VPS33B: variants seen among roughly 807,000 people sequenced by gnomAD.
The protein encoded by VPS33B is vacuolar protein sorting-associated protein 33B.
In VPS33B, 80 loss-of-function variants were observed where a neutral mutation model predicts 95.3. The observed-to-expected ratio is 0.84, with a 90% CI of 0.70 to 1.01. The LOEUF (loss-of-function observed/expected upper bound fraction) is 1.01, where lower values mean the gene tolerates loss of function less well. VPS33B is among the 50% of genes least tolerant of loss of function. The pLI, the probability that VPS33B is intolerant of heterozygous loss-of-function variation, is 0.00. For missense variants in VPS33B, 715 were observed against 773.4 expected, an observed-to-expected ratio of 0.92 and a Z score of 0.90; for synonymous variants, 280 against 280.4, an observed-to-expected ratio of 1.00 and a Z score of 0.01.
chr15:91,006,204 T>C lies in VPS33B; in HGVS notation c.853-145A>G. The C allele has an allele frequency of 1.5e-6, 2 of 1,327,896 alleles. No individual in the cohort carries two copies. Among genetic ancestry groups the C allele is most frequent in the South Asian group, 1.2e-5 (1 of 83,430 alleles). 82.3% of individuals were successfully genotyped at this position (1,327,896 alleles called of 1,614,324 possible). A position where few individuals can be genotyped will look rare whatever the true frequency, so the allele number is the denominator to read the frequency against. Reference sequence around the variant, plus strand: ...GATCTGTAAGTCCATATCAAATGCCTACACCGTGTTCTAGGAGATGCTCTG... The same window carrying C: ...GATCTGTAAGTCCATATCAAATGCCCACACCGTGTTCTAGGAGATGCTCTG... On this transcript the variant is annotated intron_variant, in intron 11 of 22. Transcript: ENST00000333371. The surrounding 1 kb of genome is among the most constrained non-coding windows in gnomAD (Gnocchi z 5.4).
In VPS33B at chr15:91,007,447, A is replaced by G; in HGVS notation, c.603+22T>C. 1 of 1,609,616 alleles carries G rather than the reference A, an allele frequency of 6.2e-7. No homozygotes were observed. The highest frequency in any genetic ancestry group is 8.5e-7 in the Non-Finnish European group (1 of 1,175,884). ...AGGGAAAACAGCGTCTGCTGGGACA[A>G]CAGTACTGCTAGTGCTCTTACCTTG... is the stretch of plus-strand genomic sequence containing the variant. On this transcript the variant is annotated intron_variant, in intron 8 of 22. Transcript: ENST00000333371. This position sits in a 1 kb window ranked among gnomAD's most constrained non-coding sequence, Gnocchi z 5.3.
chr15:90,999,562 G>T lies in VPS33B; in HGVS notation c.1774+115C>A. On this transcript the variant is annotated intron_variant, in intron 22 of 22. Transcript: ENST00000333371. This position sits in a 1 kb window ranked among gnomAD's most constrained non-coding sequence, Gnocchi z 5.1. ...TCTAACTCCTGACCTCAGGTGATCTGCCCGCCTCCGCCTCCCAAAGTGCTG... is the reference window on the plus strand; with the variant it reads ...TCTAACTCCTGACCTCAGGTGATCTTCCCGCCTCCGCCTCCCAAAGTGCTG... 2 of 1,082,192 alleles carry T rather than the reference G, an allele frequency of 1.8e-6. No homozygotes were observed. The highest frequency in any genetic ancestry group is 1.5e-5 in the African/African-American group (1 of 64,824). 67.0% of individuals were successfully genotyped at this position (1,082,192 alleles called of 1,614,324 possible). A position where few individuals can be genotyped will look rare whatever the true frequency, so the allele number is the denominator to read the frequency against.
In VPS33B at chr15:90,999,285, G is replaced by A. The variant is rs2040363535; in HGVS notation, c.1775-231C>T. On this transcript the variant is annotated intron_variant, in intron 22 of 22. Transcript: ENST00000333371. This position sits in a 1 kb window ranked among gnomAD's most constrained non-coding sequence, Gnocchi z 5.1. ...ATGGCAAGTTGTATTCTGAGGCCAG[G>A]AGAAAAATATTCCTGTGCAGGACAC... 1 of 600,640 alleles carries A rather than the reference G, an allele frequency of 1.7e-6. No individual in the cohort carries two copies. Among genetic ancestry groups the A allele is most frequent in the Non-Finnish European group, 3.0e-6 (1 of 338,902 alleles). The allele number at this position is 600,640 out of a possible 1,614,324, so 37.2% of individuals were successfully genotyped here.
Position 91,002,124 on chromosome 15 carries a change from G to A in VPS33B, c.1331C>T (p.Thr444Met), listed in dbSNP as rs192649538. ...GAGGGTGTCCCCGGGGGCCTGCTCC[G>A]TTAGGAGCCCAGCTCTTCGCAGATT... ...FSNLRRAGLL[T>M]EQAPGDTLTA... Residue 444 changes from threonine (T) to methionine (M), a missense_variant, in exon 18 of 23, where the codon ACG becomes ATG. Thr to Met is a moderately conservative substitution (Grantham distance 81). Coordinates refer to ENST00000333371, the MANE Select transcript of VPS33B (RefSeq NM_018668.5). This position sits in a 1 kb window ranked among gnomAD's most constrained non-coding sequence, Gnocchi z 4.7. 27 of 1,614,200 alleles carry A rather than the reference G, an allele frequency of 1.7e-5. No homozygotes were observed. The highest frequency in any genetic ancestry group is 1.7e-4 in the Middle Eastern group (1 of 6,054).
chr15:91,003,855 C>T (rs1190573116), intron 16 of VPS33B, among the ~76,000 whole-genome samples: 2 of 152,152 alleles, frequency 1.3e-5, no homozygotes, highest in Non-Finnish European at 2.9e-5. Context: ...ATGTTTTTCT[C>T]CATAGAGGTA....
chr15:91,015,213 G>A lies in VPS33B; in HGVS notation c.240-780C>T, dbSNP rs2040889274. Among the ~76,000 whole-genome samples, 1 of 152,226 alleles carries A rather than the reference G, an allele frequency of 6.6e-6. No individual in the cohort carries two copies. The highest frequency in any genetic ancestry group is 6.5e-5 in the Admixed American group (1 of 15,288). ...TGGCTGGGCATGGTGGCGCATGTCT[G>A]TAATCCCAGCTACGCAGGAGGCTGA... On this transcript the variant is annotated intron_variant, in intron 3 of 22. Transcript: ENST00000333371. The surrounding 1 kb of genome is among the most constrained non-coding windows in gnomAD (Gnocchi z 4.7).
intron 18 of VPS33B, 52 bp downstream of exon 18, chr15:91,001,996 TGA>T: frequency 3.1e-6 from 5 of 1,612,306 alleles, no homozygotes; most frequent in Non-Finnish European, 3.4e-6. Context: ...TGCTGCGTGT[TGA>T]GAGAAGTCAG....
chr15:91,017,752 A>G, intron 2 of VPS33B, 53 bp downstream of exon 2: 1 of 1,569,072 alleles, frequency 6.4e-7, no homozygotes. Flanking sequence ...ATTGTTCATC[A>G]AAAGAAAAAC....
rs2040850905 is a variant in VPS33B, at chr15:91,013,992, TG to T, written c.290-122del. 2.5e-6 allele frequency: 3 copies of T among 1,195,182 alleles called. No individual in the cohort carries two copies. Among genetic ancestry groups the T allele is most frequent in the Admixed American group, 3.6e-5 (2 of 56,196 alleles). 74.0% of individuals were successfully genotyped at this position (1,195,182 alleles called of 1,614,324 possible). On this transcript the variant is annotated intron_variant, in intron 4 of 22. Coordinates refer to ENST00000333371, the MANE Select transcript of VPS33B (RefSeq NM_018668.5). The surrounding 1 kb of genome is among the most constrained non-coding windows in gnomAD (Gnocchi z 4.5). The stretch of plus-strand genomic sequence containing the variant: ...CCAGCACTTGGGAGGCTGAGGCGGG[TG>T]GATCACCTGAGGTCAGGAGTTTGCG...
chr15:91,010,484 C>A lies in VPS33B; in HGVS notation c.358-638G>T, dbSNP rs1331189037. 6.6e-6 allele frequency among the ~76,000 whole-genome samples: 1 copy of A among 152,104 alleles called. No individual in the cohort carries two copies. The highest frequency in any genetic ancestry group is 2.1e-4 in the South Asian group (1 of 4,816). The stretch of plus-strand genomic sequence containing the variant: ...GGGCATGGTGGTGTGTGCCTGTAGT[C>A]CAGTTACTCAGGAGGCTGAGGTGGG... On this transcript the variant is annotated intron_variant, in intron 5 of 22. Transcript: ENST00000333371. This position sits in a 1 kb window ranked among gnomAD's most constrained non-coding sequence, Gnocchi z 5.7.
Position 91,022,445 on chromosome 15 carries a change from A to T in VPS33B, c.-196T>A. ...CCAGGCAAGAGAGCTACTACCTCGG[A>T]GCAGCCTTGTCTCAGACCTGCAGCC... On this transcript the variant is annotated 5_prime_UTR_variant, in exon 1 of 23. Transcript: ENST00000333371. The T allele has an allele frequency of 1.8e-6, 1 of 553,058 alleles. No individual in the cohort carries two copies. The highest frequency in any genetic ancestry group is 3.2e-6 in the Non-Finnish European group (1 of 310,444). 34.3% of individuals were successfully genotyped at this position (553,058 alleles called of 1,614,324 possible). A position where few individuals can be genotyped will look rare whatever the true frequency, so the allele number is the denominator to read the frequency against.
chr15:91,016,619 G>A (rs2040935657), intron 3 of VPS33B, among the ~76,000 whole-genome samples: 1 of 151,944 alleles, frequency 6.6e-6, no homozygotes, highest in Non-Finnish European at 1.5e-5. Context: ...CCTGACCTCA[G>A]AAGATCCGCC....
At chr15:91,017,365 T>TTAA (rs1555460460) in intron 2 of VPS33B, among the ~76,000 whole-genome samples, 8 of 16,998 alleles carry the variant, frequency 4.7e-4, no homozygotes, top group South Asian at 3.6e-3. Flanking sequence ...TCTACAAAAT[T>TTAA]AAATATATAT....
Position 91,006,317 on chromosome 15 carries a change from GC to G in VPS33B, c.852+54del. On this transcript the variant is annotated intron_variant, in intron 11 of 22. Transcript: ENST00000333371. This position sits in a 1 kb window ranked among gnomAD's most constrained non-coding sequence, Gnocchi z 5.4. ...GCCTGGTATAAGCAGGGGGCCCACA[GC>G]CTGGTATAAGCAGTGGCCCTAGGTG... The G allele has an allele frequency of 7.8e-7, 1 of 1,277,364 alleles. No homozygotes were observed. Among genetic ancestry groups the G allele is most frequent in the Non-Finnish European group, 1.0e-6 (1 of 953,262 alleles). The allele number at this position is 1,277,364 out of a possible 1,614,324, so 79.1% of individuals were successfully genotyped here. A position where few individuals can be genotyped will look rare whatever the true frequency, so the allele number is the denominator to read the frequency against.
At chr15:91,017,370 ATATATATATAT>A (rs1567229581) in intron 2 of VPS33B, among the ~76,000 whole-genome samples, 5,088 of 26,930 alleles carry the variant, frequency 0.19, 1,078 homozygotes, top group East Asian at 0.61. Context: ...AAAATTAAAT[ATATATATATAT>A]ATATATATAT....
In VPS33B at chr15:91,015,153, T is replaced by C. The variant is rs866899712; in HGVS notation, c.240-720A>G. Among the ~76,000 whole-genome samples the C allele has an allele frequency of 1.3e-5, 2 of 150,824 alleles. No homozygotes were observed. Among genetic ancestry groups the C allele is most frequent in the African/African-American group, 4.9e-5 (2 of 40,922 alleles). On this transcript the variant is annotated intron_variant, in intron 3 of 22. Transcript: ENST00000333371. The surrounding 1 kb of genome is among the most constrained non-coding windows in gnomAD (Gnocchi z 4.7). ...GAGTTTGAGACCAGCCCAGCCAACA[T>C]GGTGAAACCCCGTCTCTACTAAAAA...
intron 16 of VPS33B, among the ~76,000 whole-genome samples, chr15:91,004,564 G>A (rs1395311369): frequency 6.6e-6 from 1 of 151,988 alleles, no homozygotes; most frequent in African/African-American, 2.4e-5. Context: ...CTTTTTCCTG[G>A]AATGTATCTT....
intron 16 of VPS33B, among the ~76,000 whole-genome samples, chr15:91,003,891 T>C (rs2040517781): frequency 6.6e-6 from 1 of 152,204 alleles, no homozygotes; most frequent in South Asian, 2.1e-4. Context: ...CTAACTGCAG[T>C]AAATGAGATT....
chr15:91,014,762 C>T lies in VPS33B; in HGVS notation c.240-329G>A, dbSNP rs534715898. ...AGTGCTGAAAAACAATATAAGAATA[C>T]CCCATAAAAATATACAATTATTATC... On this transcript the variant is annotated intron_variant, in intron 3 of 22. Coordinates refer to ENST00000333371, the MANE Select transcript of VPS33B (RefSeq NM_018668.5). Among the ~76,000 whole-genome samples, 5 of 152,236 alleles carry T rather than the reference C, an allele frequency of 3.3e-5. No individual in the cohort carries two copies. The South Asian group carries it at 1.0e-3, about 32-fold the overall frequency.
Sources: allele counts gnomAD v4.1 joint callset (sites outside exome capture counted in the v4.1 genomes callset), GRCh38; gene constraint gnomAD v4.1.1; non-coding constraint Gnocchi (gnomAD v3.1); transcripts MANE v1.5; gene names NCBI Gene and HGNC (gene_info 2026-07-23, HGNC 2026-07-21).